The following NFIB variants were observed in gnomAD, a reference collection of about 807,000 sequenced individuals.
The protein encoded by NFIB is nuclear factor I B, also known as nuclear factor 1 B-type.
Under a neutral mutation model 61.5 loss-of-function variants are expected in NFIB, and 11 were observed. The observed-to-expected ratio is 0.18, with a 90% CI of 0.11 to 0.30. The LOEUF is 0.30. Ranked by LOEUF, NFIB falls within the 10% of genes least tolerant of loss-of-function variation. NFIB has a pLI of 1.00. For missense variants in NFIB, 471 were observed against 608.9 expected (o/e 0.77, Z 2.38); for synonymous variants, 260 against 216.5 (o/e 1.20, Z -1.76).
intron 2 of NFIB, chr9:14,204,615 C>A (rs935620364): frequency 5.1e-6 from 4 of 788,848 alleles, no homozygotes; most frequent in Middle Eastern, 3.6e-4. Flanking sequence ...AAGAAAGCGC[C>A]GGCAAAGGGG....
the NFIB span, among the ~76,000 whole-genome samples, chr9:14,531,687 T>TAAAA: frequency 6.9e-6 from 1 of 144,456 alleles, no homozygotes; most frequent in Non-Finnish European, 1.5e-5. Flanking sequence ...CATTTTTCTT[T>TAAAA]AAAAAAAAAA....
chr9:14,278,975 T>C (rs2058189292), intron 2 of NFIB, among the ~76,000 whole-genome samples: 1 of 152,138 alleles, frequency 6.6e-6, no homozygotes, highest in Non-Finnish European at 1.5e-5. Context: ...GTACTATCTA[T>C]AAAACAGGTG....
intron 2 of NFIB, among the ~76,000 whole-genome samples, chr9:14,263,501 T>C (rs141112580): frequency 8.8e-4 from 134 of 152,330 alleles, no homozygotes; most frequent in African/African-American, 3.1e-3. Context: ...CATAAACTTA[T>C]TTTAAAAAGA....
At chr9:14,181,600 T>A (rs753454906) in intron 2 of NFIB, among the ~76,000 whole-genome samples, 7 of 152,220 alleles carry the variant, frequency 4.6e-5, no homozygotes, top group Non-Finnish European at 1.0e-4. Flanking sequence ...AAATGATAAA[T>A]CATAACTTTT....
At chr9:14,173,937 C>A (rs2045860536) in intron 3 of NFIB, among the ~76,000 whole-genome samples, 1 of 152,120 alleles carries the variant, frequency 6.6e-6, no homozygotes, top group Non-Finnish European at 1.5e-5. Context: ...TGTAGATCAA[C>A]CTTTCATGAG....
intron 2 of NFIB, among the ~76,000 whole-genome samples, chr9:14,274,769 C>A (rs530422442): frequency 5.3e-5 from 8 of 152,280 alleles, no homozygotes; most frequent in Non-Finnish European, 8.8e-5. Context: ...AAAGAATTAT[C>A]TCTTTTAAAA....
the NFIB span, among the ~76,000 whole-genome samples, chr9:14,483,280 A>G: frequency 1.3e-5 from 2 of 152,260 alleles, no homozygotes; most frequent in African/African-American, 4.8e-5. Context: ...AAATGATTAC[A>G]TTCTATTGTT....
intron 1 of NFIB, among the ~76,000 whole-genome samples, chr9:14,376,825 G>A (rs1210975471): frequency 6.8e-6 from 1 of 146,412 alleles, no homozygotes; most frequent in Non-Finnish European, 1.5e-5. Context: ...GCTTAAAAGT[G>A]CCATTTTTTT....
At chr9:14,525,791 A>C in the NFIB span, among the ~76,000 whole-genome samples, 1 of 152,170 alleles carries the variant, frequency 6.6e-6, no homozygotes, top group African/African-American at 2.4e-5. Context: ...TTAAAAACTC[A>C]ACATGATTAT....
chr9:14,174,135 T>A (rs12341599), intron 3 of NFIB, among the ~76,000 whole-genome samples: 2 of 152,048 alleles, frequency 1.3e-5, no homozygotes, highest in South Asian at 4.2e-4. Context: ...CCAAACAAGT[T>A]AGAGGATAAA....
chr9:14,337,480 G>C (rs1413721429), intron 1 of NFIB, among the ~76,000 whole-genome samples: 1 of 152,136 alleles, frequency 6.6e-6, no homozygotes, highest in Non-Finnish European at 1.5e-5. Flanking sequence ...GATGGGGTGC[G>C]GACCTGGCAA....
chr9:14,178,566 A>G (rs553262706), intron 3 of NFIB, among the ~76,000 whole-genome samples: 1 of 152,298 alleles, frequency 6.6e-6, no homozygotes, highest in South Asian at 2.1e-4. Context: ...TTTGTCAACA[A>G]TATGATTTTG....
At chr9:14,516,508 C>T in the NFIB span, among the ~76,000 whole-genome samples, 1 of 152,164 alleles carries the variant, frequency 6.6e-6, no homozygotes, top group Non-Finnish European at 1.5e-5. Flanking sequence ...AAATTAATCA[C>T]CCTATCTTTT....
chr9:14,300,589 C>T (rs1255443168), intron 2 of NFIB, among the ~76,000 whole-genome samples: 1 of 152,198 alleles, frequency 6.6e-6, no homozygotes, highest in Non-Finnish European at 1.5e-5. Flanking sequence ...GTTTCATGTG[C>T]TCTTTGCACT....
intron 2 of NFIB, among the ~76,000 whole-genome samples, chr9:14,207,265 G>A (rs987786131): frequency 3.9e-5 from 6 of 152,130 alleles, no homozygotes; most frequent in Non-Finnish European, 7.3e-5. Flanking sequence ...CCAAATTAGA[G>A]GTGTCACCAC....
At chr9:14,412,960 C>G in the NFIB span, among the ~76,000 whole-genome samples, 1 of 152,156 alleles carries the variant, frequency 6.6e-6, no homozygotes, top group Non-Finnish European at 1.5e-5. Context: ...CCTGCCCACT[C>G]CAGAAGAGCC....
At chr9:14,347,581 T>TGGGGAGGGGAGAA (rs1226325112) in intron 1 of NFIB, among the ~76,000 whole-genome samples, 1 of 95,606 alleles carries the variant, frequency 1.0e-5, no homozygotes, top group Non-Finnish European at 2.3e-5. Flanking sequence ...TGGGTGCGAT[T>TGGGGAGGGGAGAA]GGGAGAGGGG....
At chr9:14,236,078 C>A (rs541067019) in intron 2 of NFIB, among the ~76,000 whole-genome samples, 4 of 152,268 alleles carry the variant, frequency 2.6e-5, no homozygotes, top group African/African-American at 4.8e-5. Context: ...GATCATAACA[C>A]AATAATCACT....
At chr9:14,386,324 T>G (rs2061548416) in intron 1 of NFIB, among the ~76,000 whole-genome samples, 2 of 152,198 alleles carry the variant, frequency 1.3e-5, no homozygotes. Flanking sequence ...TATGCTTGGA[T>G]GAGTTAGTTT....
Sources: allele counts gnomAD v4.1 joint callset (sites outside exome capture counted in the v4.1 genomes callset), GRCh38; gene constraint gnomAD v4.1.1; transcripts MANE v1.5; gene names NCBI Gene and HGNC (gene_info 2026-07-23, HGNC 2026-07-21).